WDR11: variants seen among roughly 807,000 people sequenced by gnomAD.
WDR11 encodes WD repeat domain 11, also known as WD repeat-containing protein 11.
In WDR11, 83 loss-of-function variants were observed where a neutral mutation model predicts 151.2. The ratio of observed to expected loss-of-function variants is 0.55; its 90% CI spans 0.46 to 0.66. WDR11 has a LOEUF of 0.66. WDR11 is among the 30% of genes least tolerant of loss of function. The probability of loss-of-function intolerance (pLI) is 0.00; values close to 1 mark genes in which losing one functional copy is unlikely to be tolerated. For synonymous variants in WDR11, 484 were observed against 533.1 expected (o/e 0.91, Z 1.27); for missense variants, 1,301 against 1,480.9 (o/e 0.88, Z 1.99).
intron 2 of WDR11, among the ~76,000 whole-genome samples, chr10:120,857,517 T>A (rs987356162): frequency 6.8e-6 from 1 of 147,436 alleles, no homozygotes; most frequent in African/African-American, 2.5e-5. Context: ...CATACAAATA[T>A]GCATACACAC....
chr10:120,897,547 G>T (rs1847655402), intron 19 of WDR11, among the ~76,000 whole-genome samples: 2 of 152,314 alleles, frequency 1.3e-5, no homozygotes, highest in African/African-American at 4.8e-5. Context: ...ATGCAATGCA[G>T]TGAAAAGTAC....
chr10:120,868,961 T>A (rs778689894), intron 9 of WDR11, among the ~76,000 whole-genome samples: 2 of 152,178 alleles, frequency 1.3e-5, no homozygotes, highest in Non-Finnish European at 2.9e-5. Flanking sequence ...TTTTTTGAGT[T>A]AATTCACCTT....
intron 10 of WDR11, 54 bp from the exon 11 acceptor site, chr10:120,873,785 A>C (rs1484585553): frequency 1.7e-5 from 21 of 1,245,336 alleles, no homozygotes; most frequent in Non-Finnish European, 2.3e-5. Context: ...CTTTTCTTGC[A>C]AAGTGCTGGA....
intron 19 of WDR11, 133 bp downstream of exon 19, chr10:120,891,020 A>AAT: frequency 1.0e-6 from 1 of 961,926 alleles, no homozygotes; most frequent in Non-Finnish European, 1.6e-6. Context: ...TTAAGAAAAT[A>AAT]TATTAACTTG....
At chr10:120,881,992 T>C (rs1452563626) in intron 13 of WDR11, among the ~76,000 whole-genome samples, 2 of 152,152 alleles carry the variant, frequency 1.3e-5, no homozygotes, top group Non-Finnish European at 2.9e-5. Flanking sequence ...GTAGATTTTT[T>C]GTATATTTCC....
intron 28 of WDR11, 192 bp from the exon 29 acceptor site, chr10:120,908,364 C>G: frequency 3.2e-6 from 2 of 633,426 alleles, no homozygotes; most frequent in Non-Finnish European, 5.7e-6. Flanking sequence ...TGAGACATGG[C>G]CTACTATGGC....
chr10:120,886,460 T>G (rs1490167894), intron 15 of WDR11, among the ~76,000 whole-genome samples: 4 of 152,224 alleles, frequency 2.6e-5, no homozygotes, highest in Non-Finnish European at 5.9e-5. Context: ...GTGTTAAGTT[T>G]AGATCACCAT....
chr10:120,891,244 A>G (rs1847420242), intron 19 of WDR11, among the ~76,000 whole-genome samples: 1 of 152,184 alleles, frequency 6.6e-6, no homozygotes, highest in African/African-American at 2.4e-5. Flanking sequence ...TGGCTTTTTA[A>G]TAATGGCCTT....
chr10:120,867,674 CTG>C (rs1055925161), intron 9 of WDR11, among the ~76,000 whole-genome samples: 55 of 151,714 alleles, frequency 3.6e-4, no homozygotes, highest in African/African-American at 1.3e-3. Flanking sequence ...TTTTTTTCTT[CTG>C]TTTCATCTCA....
Position 120,865,220 on chromosome 10 carries a change from C to T in WDR11, c.879+8C>T. 6.2e-7 allele frequency: 1 copy of T among 1,613,076 alleles called. No individual in the cohort carries two copies. The highest frequency in any genetic ancestry group is 8.5e-7 in the Non-Finnish European group (1 of 1,179,168). On this transcript the variant is annotated splice_region_variant and intron_variant, in intron 6 of 28. Coordinates refer to ENST00000263461, the MANE Select transcript of WDR11 (RefSeq NM_018117.12). Reference sequence around the variant, plus strand: ...GGAGTTCCATTTTTACAGGTATCTACAATTCATAAATTATATTCCCCAAAA... The same window carrying T: ...GGAGTTCCATTTTTACAGGTATCTATAATTCATAAATTATATTCCCCAAAA...
intron 3 of WDR11, 85 bp downstream of exon 3, chr10:120,858,881 T>C: frequency 6.6e-7 from 1 of 1,512,262 alleles, no homozygotes; most frequent in East Asian, 2.3e-5. Flanking sequence ...TTTCCCCCAT[T>C]CATTTAATTT....
At chr10:120,852,265 C>G in intron 1 of WDR11, 1 of 431,576 alleles carries the variant, frequency 2.3e-6, no homozygotes, top group Non-Finnish European at 4.3e-6. Context: ...GCACAAGTTC[C>G]TTTTTATGTC....
At chr10:120,857,228 T>C (rs1845979093) in intron 2 of WDR11, among the ~76,000 whole-genome samples, 1 of 152,178 alleles carries the variant, frequency 6.6e-6, no homozygotes, top group Non-Finnish European at 1.5e-5. Context: ...AAATAAATCA[T>C]GAGATGAACA....
At chr10:120,866,013 A>T (rs867911772) in intron 7 of WDR11, among the ~76,000 whole-genome samples, 48 of 144,344 alleles carry the variant, frequency 3.3e-4, no homozygotes, top group South Asian at 2.2e-3. Context: ...ATTTTTTGGA[A>T]TTTTTTTTTT....
At chr10:120,908,458 C>G in intron 28 of WDR11, 98 bp from the exon 29 acceptor site, 1 of 1,328,706 alleles carries the variant, frequency 7.5e-7, no homozygotes, top group Non-Finnish European at 1.1e-6. Flanking sequence ...TCCGAGCAGC[C>G]AGCAGAGCAG....
rs775129738 is a variant in WDR11, at chr10:120,889,069, GT to G, written c.2122-5del. 3 of 1,590,670 alleles carry G rather than the reference GT, an allele frequency of 1.9e-6. No homozygotes were observed. Among genetic ancestry groups the G allele is most frequent in the Non-Finnish European group, 2.6e-6 (3 of 1,158,886 alleles). On this transcript the variant is annotated splice_polypyrimidine_tract_variant and splice_region_variant and intron_variant, in intron 16 of 28. Transcript: ENST00000263461. ...AAATTTATATTTGTTTGTTGCTGTT[GT>G]TTTCTAGGGAAGTATGGGTAGTATT...
Position 120,908,561 on chromosome 10 carries a change from C to T in WDR11, c.3523C>T (p.Leu1175Phe). The T allele has an allele frequency of 6.2e-7, 1 of 1,614,214 alleles. No homozygotes were observed. The change falls in exon 29 of 29, where the codon CTC (leucine) becomes TTC (phenylalanine). Residue 1175 changes from leucine (L) to phenylalanine (F), a missense_variant. Transcript: ENST00000263461. The part of the protein sequence containing the change: ...AFEVTEDTEK[L>F]ITAIYADYAR... ...TTTCCTTAACTATGGTTTACAGAAA[C>T]TCATCACTGCTATATATGCAGATTA... is the stretch of plus-strand genomic sequence containing the variant.
At chr10:120,864,906 A>T in intron 5 of WDR11, 141 bp from the exon 6 acceptor site, 1 of 886,054 alleles carries the variant, frequency 1.1e-6, no homozygotes. Context: ...TAAGTTTTGG[A>T]TGCCAACCCA....
chr10:120,861,965 AG>A (rs1846154708), intron 4 of WDR11, among the ~76,000 whole-genome samples: 1 of 152,174 alleles, frequency 6.6e-6, no homozygotes, highest in African/African-American at 2.4e-5. Flanking sequence ...CTGATGCTTG[AG>A]AAGAAAAAGG....
Sources: allele counts gnomAD v4.1 joint callset (sites outside exome capture counted in the v4.1 genomes callset), GRCh38; gene constraint gnomAD v4.1.1; transcripts MANE v1.5; gene names NCBI Gene and HGNC (gene_info 2026-07-23, HGNC 2026-07-21).